CTNND2: variants seen among roughly 807,000 people sequenced by gnomAD.
CTNND2 encodes the protein catenin delta 2.
CTNND2 carries 22 observed loss-of-function variants against 144.4 expected under a neutral mutation model. The ratio of observed to expected loss-of-function variants is 0.15; its 90% CI spans 0.11 to 0.22. The LOEUF is 0.22. CTNND2 is among the 10% of genes least tolerant of loss of function. The pLI, the probability that CTNND2 is intolerant of heterozygous loss-of-function variation, is 1.00. For missense variants in CTNND2, 1,353 were observed against 1,618.8 expected, an observed-to-expected ratio of 0.84 and a Z score of 2.82; for synonymous variants, 751 against 695.6, an observed-to-expected ratio of 1.08 and a Z score of -1.25.
intron 1 of CTNND2, among the ~76,000 whole-genome samples, chr5:11,854,594 A>G (rs567640378): frequency 1.1e-4 from 17 of 152,240 alleles, no homozygotes; most frequent in African/African-American, 4.1e-4. Flanking sequence ...ACACTTGTTG[A>G]GTAAGTGAAT....
chr5:11,287,986 T>C (rs1321554530), intron 9 of CTNND2, among the ~76,000 whole-genome samples: 2 of 152,228 alleles, frequency 1.3e-5, no homozygotes, highest in African/African-American at 4.8e-5. Flanking sequence ...CTTATGTGTA[T>C]TATAATTTAC....
At chr5:11,090,180 AG>A in intron 15 of CTNND2, among the ~76,000 whole-genome samples, 1 of 152,300 alleles carries the variant, frequency 6.6e-6, no homozygotes, top group African/African-American at 2.4e-5. Flanking sequence ...CAGAATACTG[AG>A]GTGGCATGTC....
intron 3 of CTNND2, among the ~76,000 whole-genome samples, chr5:11,547,317 A>G (rs982524512): frequency 1.0e-3 from 132 of 131,870 alleles, no homozygotes; most frequent in Admixed American, 2.6e-3. Context: ...ATAAATAAAT[A>G]AATAAAGTAA....
chr5:11,124,353 A>G (rs1754446063), intron 12 of CTNND2, among the ~76,000 whole-genome samples: 1 of 152,236 alleles, frequency 6.6e-6, no homozygotes, highest in South Asian at 2.1e-4. Context: ...TGTGGAGAAC[A>G]TCCTTACATC....
chr5:11,264,550 A>C (rs1264636081), intron 9 of CTNND2, among the ~76,000 whole-genome samples: 1 of 152,230 alleles, frequency 6.6e-6, no homozygotes, highest in African/African-American at 2.4e-5. Flanking sequence ...TGGAGTTTCA[A>C]CTGACACCAC....
intron 2 of CTNND2, among the ~76,000 whole-genome samples, chr5:11,669,187 C>A (rs750204605): frequency 2.6e-5 from 4 of 152,030 alleles, no homozygotes; most frequent in African/African-American, 9.7e-5. Flanking sequence ...TGAGGATTTT[C>A]GCAGTGATGT....
At chr5:11,332,275 CAAA>C (rs5865932) in intron 9 of CTNND2, among the ~76,000 whole-genome samples, 10 of 81,530 alleles carry the variant, frequency 1.2e-4, no homozygotes, top group East Asian at 4.0e-4. Flanking sequence ...AACTCCGTCT[CAAA>C]AAAAAAAAAA....
intron 2 of CTNND2, among the ~76,000 whole-genome samples, chr5:11,709,309 A>T (rs1055844335): frequency 6.6e-6 from 1 of 152,200 alleles, no homozygotes; most frequent in South Asian, 2.1e-4. Flanking sequence ...CATAGCTGCT[A>T]TTCTTTAGGA....
rs749148977 is a variant in CTNND2 at position 11,641,694 on chromosome 5, GTA to G, written c.175-76640_175-76639del. Among the ~76,000 whole-genome samples the G allele has an allele frequency of 2.7e-3, 339 of 125,694 alleles. 4 individuals carry two copies. Among genetic ancestry groups the G allele is most frequent in the East Asian group, 0.018 (70 of 3,948 alleles). 82.5% of individuals were successfully genotyped at this position (125,694 alleles called of 152,430 possible). A position where few individuals can be genotyped will look rare whatever the true frequency, so the allele number is the denominator to read the frequency against. ...CGTGTGTATATACATATACGTGTGT[GTA>G]TATACATATACGTGTGTGTATACAT... On this transcript the variant is annotated intron_variant, in intron 2 of 21. Coordinates refer to ENST00000304623, the MANE Select transcript of CTNND2 (RefSeq NM_001332.4).
chr5:11,590,330 A>G (rs1007742637), intron 2 of CTNND2, among the ~76,000 whole-genome samples: 1 of 152,196 alleles, frequency 6.6e-6, no homozygotes. Context: ...GGTGTGAGCC[A>G]CCAGGCCTGG....
intron 1 of CTNND2, among the ~76,000 whole-genome samples, chr5:11,844,158 T>C (rs115259729): frequency 1.6e-3 from 237 of 152,274 alleles, no homozygotes; most frequent in African/African-American, 5.5e-3. Context: ...AAGGGAAAAA[T>C]CACTTCCCAT....
intron 16 of CTNND2, among the ~76,000 whole-genome samples, chr5:11,054,174 G>C (rs181901904): frequency 3.9e-5 from 6 of 152,254 alleles, no homozygotes; most frequent in African/African-American, 1.4e-4. Context: ...GCAGCAACAC[G>C]GCTACTGCTA....
At chr5:11,588,992 G>T (rs901701515) in intron 2 of CTNND2, 32 of 985,150 alleles carry the variant, frequency 3.2e-5, no homozygotes, top group African/African-American at 3.5e-5. Context: ...TTATCCTATG[G>T]TAATTTCTGC....
intron 14 of CTNND2, among the ~76,000 whole-genome samples, chr5:11,106,917 G>T (rs981368458): frequency 1.3e-5 from 2 of 152,082 alleles, no homozygotes; most frequent in Non-Finnish European, 2.9e-5. Flanking sequence ...CCCCATTTCT[G>T]CTCCTGAACT....
At chr5:11,019,713 G>C (rs893333411) in intron 17 of CTNND2, among the ~76,000 whole-genome samples, 3 of 152,186 alleles carry the variant, frequency 2.0e-5, no homozygotes, top group African/African-American at 7.2e-5. Flanking sequence ...GGACAATTGT[G>C]TGTTTCTAAT....
chr5:11,223,384 C>T (rs999295249), intron 10 of CTNND2, among the ~76,000 whole-genome samples: 1 of 152,212 alleles, frequency 6.6e-6, no homozygotes, highest in Non-Finnish European at 1.5e-5. Flanking sequence ...GCTGAGTTGA[C>T]AGCCAGTTGG....
chr5:11,226,963 T>C (rs573557482), intron 10 of CTNND2, among the ~76,000 whole-genome samples: 3 of 152,334 alleles, frequency 2.0e-5, no homozygotes, highest in East Asian at 3.9e-4. Flanking sequence ...TATGTTGCTT[T>C]ATGTTGGTAT....
At chr5:11,387,241 T>TAAAA (rs33928349) in intron 6 of CTNND2, among the ~76,000 whole-genome samples, 3 of 146,512 alleles carry the variant, frequency 2.0e-5, no homozygotes, top group African/African-American at 2.5e-5. Context: ...TTTTCAGCAT[T>TAAAA]AAAAAAAAAA....
chr5:11,095,076 A>C (rs542369249), intron 15 of CTNND2, among the ~76,000 whole-genome samples: 1 of 152,364 alleles, frequency 6.6e-6, no homozygotes, highest in South Asian at 2.1e-4. Flanking sequence ...CATTATGTAA[A>C]GTAGAAGAGA....
Sources: gnomAD v4.1 joint callset for allele counts (sites outside exome capture counted in the v4.1 genomes callset) on GRCh38, gnomAD v4.1.1 for gene constraint, MANE v1.5 for transcripts, NCBI Gene and HGNC (gene_info 2026-07-23, HGNC 2026-07-21) for gene names.